The following RIMBP2 variants were observed in gnomAD, a reference collection of about 807,000 sequenced individuals.
RIMBP2 encodes RIMS binding protein 2, also known as RIMS-binding protein 2.
RIMBP2 carries 48 observed loss-of-function variants against 118.6 expected under a neutral mutation model. The ratio of observed to expected loss-of-function variants is 0.40; its 90% CI spans 0.32 to 0.51. RIMBP2 has a LOEUF of 0.51. Among genes scored for constraint, RIMBP2 ranks in the 20% least tolerant of loss-of-function variants. The pLI, the probability that RIMBP2 is intolerant of heterozygous loss-of-function variation, is 0.41. For missense variants in RIMBP2, 1,551 were observed against 1,768.3 expected, an observed-to-expected ratio of 0.88 and a Z score of 2.20; for synonymous variants, 762 against 742.9, an observed-to-expected ratio of 1.03 and a Z score of -0.42.
chr12:130,453,223 C>T (rs764211220), intron 7 of RIMBP2, among the ~76,000 whole-genome samples: 1 of 151,988 alleles, frequency 6.6e-6, no homozygotes, highest in African/African-American at 2.4e-5. Context: ...ATGAGCAACG[C>T]CTGCCCTCAC....
In RIMBP2 at chr12:130,620,320, G is replaced by A. The variant is rs2061226745; in HGVS notation, c.-217+8002C>T. 6.6e-6 allele frequency among the ~76,000 whole-genome samples: 1 copy of A among 151,752 alleles called. No individual in the cohort carries two copies. ...TCCCACTCCCTCCCACCCCAGGCGGGTCATCCTGCAGCTCTCCTCCTCCCT... is the reference window on the plus strand; with the variant it reads ...TCCCACTCCCTCCCACCCCAGGCGGATCATCCTGCAGCTCTCCTCCTCCCT... On this transcript the variant is annotated intron_variant, in intron 2 of 22. Coordinates refer to ENST00000690449, the MANE Select transcript of RIMBP2 (RefSeq NM_001393629.1). The surrounding 1 kb of genome is among the most constrained non-coding windows in gnomAD (Gnocchi z 5.3).
At chr12:130,548,128 A>T (rs537107099) in intron 2 of RIMBP2, among the ~76,000 whole-genome samples, 1 of 151,160 alleles carries the variant, frequency 6.6e-6, no homozygotes, top group South Asian at 2.1e-4. Flanking sequence ...GGAGTGACGG[A>T]AGACAAGAAG....
At chr12:130,527,160 G>A (rs1415724486) in intron 2 of RIMBP2, among the ~76,000 whole-genome samples, 1 of 152,198 alleles carries the variant, frequency 6.6e-6, no homozygotes, top group Non-Finnish European at 1.5e-5. Flanking sequence ...CTGACCAGAT[G>A]TAATTTGGGG....
rs1328924541 is a variant in RIMBP2 at position 130,617,193 on chromosome 12, A to G, written c.-217+11129T>C. On this transcript the variant is annotated intron_variant, in intron 2 of 22. Transcript: ENST00000690449. The surrounding 1 kb of genome is among the most constrained non-coding windows in gnomAD (Gnocchi z 4.6). ...TCCCCCACCCCCGACCCCCGCCCCG[A>G]GTTAGTGCTGCCACCTCCATCCAGC... is the stretch of plus-strand genomic sequence containing the variant. 1.5e-5 allele frequency among the ~76,000 whole-genome samples: 2 copies of G among 132,194 alleles called. No homozygotes were observed. Among genetic ancestry groups the G allele is most frequent in the Non-Finnish European group, 1.6e-5 (1 of 62,460 alleles). The allele number at this position is 132,194 out of a possible 152,430, so 86.7% of individuals were successfully genotyped here.
At chr12:130,691,903 C>T (rs996571099) in intron 1 of RIMBP2, among the ~76,000 whole-genome samples, 8 of 152,042 alleles carry the variant, frequency 5.3e-5, no homozygotes, top group Admixed American at 1.3e-4. Context: ...GTGGTTAGAG[C>T]GGGTCTGGAA....
rs138793493 is a variant in RIMBP2 at position 130,442,170 on chromosome 12, C to T, written c.1182G>A (p.Ser394=). The change falls in exon 11 of 23, where the codon TCG becomes TCA. Residue 394 remains serine (S), a synonymous_variant. Transcript: ENST00000690449. The surrounding 1 kb of genome is among the most constrained non-coding windows in gnomAD (Gnocchi z 6.9). ...SVQCVTSRGS[S]DELQCTLLVG... ...CCAGCAGCGTGCACTGCAGCTCATC[C>T]GAGCTGCCCCTGCTGGTGACGCACT... 2.5e-3 allele frequency: 4,075 copies of T among 1,614,166 alleles called. 18 individuals carry two copies. Among genetic ancestry groups the T allele is most frequent in the Admixed American group, 3.7e-3 (220 of 60,032 alleles).
intron 6 of RIMBP2, chr12:130,464,871 C>T (rs2137723547): frequency 6.6e-6 from 1 of 152,404 alleles, no homozygotes; most frequent in Admixed American, 6.5e-5. Flanking sequence ...AGGGCTGGTT[C>T]CCTGCAGGCC....
intron 2 of RIMBP2, among the ~76,000 whole-genome samples, chr12:130,589,653 AT>A (rs2059133968): frequency 6.6e-6 from 1 of 152,336 alleles, no homozygotes; most frequent in African/African-American, 2.4e-5. Flanking sequence ...TGGATGTGTT[AT>A]CTTGATTTAA....
chr12:130,706,502 G>T (rs1348017665), intron 1 of RIMBP2, among the ~76,000 whole-genome samples: 4 of 152,246 alleles, frequency 2.6e-5, no homozygotes, highest in Non-Finnish European at 5.9e-5. Context: ...TGCTTCCGAG[G>T]GACACGTTCA....
intron 5 of RIMBP2, chr12:130,472,140 C>T (rs1177150780): frequency 1.3e-5 from 2 of 152,256 alleles, no homozygotes; most frequent in African/African-American, 4.8e-5. Context: ...GCCTTGGATT[C>T]TACTGGGTCT....
At position 130,622,976 on chromosome 12, in the gene RIMBP2, G is replaced by A. The variant is rs941159714; in HGVS notation, c.-217+5346C>T. ...GAGAAAATGAAAGAACAGATGGCGT[G>A]GACTGAGGTCTGGGGATACTGTTGG... On this transcript the variant is annotated intron_variant, in intron 2 of 22. Coordinates refer to ENST00000690449, the MANE Select transcript of RIMBP2 (RefSeq NM_001393629.1). This position sits in a 1 kb window ranked among gnomAD's most constrained non-coding sequence, Gnocchi z 8.5. Among the ~76,000 whole-genome samples the A allele has an allele frequency of 5.3e-5, 8 of 152,208 alleles. No individual in the cohort carries two copies. Among genetic ancestry groups the A allele is most frequent in the African/African-American group, 1.9e-4 (8 of 41,442 alleles).
rs180692855 is a variant in RIMBP2, at chr12:130,714,195, C to T, written c.-352+2027G>A. On this transcript the variant is annotated intron_variant, in intron 1 of 22. Coordinates refer to ENST00000690449, the MANE Select transcript of RIMBP2 (RefSeq NM_001393629.1). ...CAGGAAAGAGCCAGCTCCTGCCTCTCCTCCCGCCCCCTGAGCACATGCTGG... is the reference window on the plus strand; with the variant it reads ...CAGGAAAGAGCCAGCTCCTGCCTCTTCTCCCGCCCCCTGAGCACATGCTGG... 7.6e-4 allele frequency among the ~76,000 whole-genome samples: 116 copies of T among 152,356 alleles called. 1 individual carries two copies. Among genetic ancestry groups the T allele is most frequent in the African/African-American group, 2.6e-3 (110 of 41,580 alleles).
chr12:130,524,679 G>A (rs1056318360), intron 2 of RIMBP2, among the ~76,000 whole-genome samples: 2 of 152,242 alleles, frequency 1.3e-5, no homozygotes, highest in Non-Finnish European at 1.5e-5. Flanking sequence ...TGTCCTGGGT[G>A]TTAAGGGGAT....
Position 130,670,517 on chromosome 12 carries a change from A to G in RIMBP2, c.-351-42061T>C, listed in dbSNP as rs1181809504. Reference sequence around the variant, plus strand: ...GAGGCACCCTTCCCCCAGGGGTTCCATGGTCAGCTCCTTAGCCGACTTTAT... The same window carrying G: ...GAGGCACCCTTCCCCCAGGGGTTCCGTGGTCAGCTCCTTAGCCGACTTTAT... On this transcript the variant is annotated intron_variant, in intron 1 of 22. Coordinates refer to ENST00000690449, the MANE Select transcript of RIMBP2 (RefSeq NM_001393629.1). The surrounding 1 kb of genome is among the most constrained non-coding windows in gnomAD (Gnocchi z 4.9). 1.3e-5 allele frequency among the ~76,000 whole-genome samples: 2 copies of G among 152,138 alleles called. No individual in the cohort carries two copies. Among genetic ancestry groups the G allele is most frequent in the East Asian group, 1.9e-4 (1 of 5,180 alleles).
chr12:130,706,332 TA>T (rs2066117922), intron 1 of RIMBP2, among the ~76,000 whole-genome samples: 1 of 152,260 alleles, frequency 6.6e-6, no homozygotes, highest in Non-Finnish European at 1.5e-5. Flanking sequence ...AGACGGATGC[TA>T]TTGTTACCTG....
At chr12:130,519,650 A>G (rs1239561879) in intron 2 of RIMBP2, among the ~76,000 whole-genome samples, 2 of 152,208 alleles carry the variant, frequency 1.3e-5, no homozygotes, top group Non-Finnish European at 2.9e-5. Context: ...ACTAATCAAA[A>G]TACCTGGCTG....
intron 3 of RIMBP2, among the ~76,000 whole-genome samples, chr12:130,513,372 A>C (rs1338885923): frequency 5.3e-5 from 8 of 152,202 alleles, no homozygotes; most frequent in Non-Finnish European, 8.8e-5. Flanking sequence ...CACTGGACTC[A>C]TTTCTGTTTC....
intron 19 of RIMBP2, among the ~76,000 whole-genome samples, chr12:130,412,356 A>T (rs1048538953): frequency 2.0e-5 from 3 of 152,198 alleles, no homozygotes; most frequent in African/African-American, 7.2e-5. Flanking sequence ...TTTGCAAGCA[A>T]GACGGTACTT....
At chr12:130,586,301 A>T (rs936304934) in intron 2 of RIMBP2, among the ~76,000 whole-genome samples, 12 of 152,172 alleles carry the variant, frequency 7.9e-5, no homozygotes, top group African/African-American at 2.9e-4. Flanking sequence ...AAAAATACAA[A>T]ATCAGCCAGG....
Sources: allele counts gnomAD v4.1 joint callset (sites outside exome capture counted in the v4.1 genomes callset), GRCh38; gene constraint gnomAD v4.1.1; non-coding constraint Gnocchi (gnomAD v3.1); transcripts MANE v1.5; gene names NCBI Gene and HGNC (gene_info 2026-07-23, HGNC 2026-07-21).